GRM7: variants seen among roughly 807,000 people sequenced by gnomAD.
The protein encoded by GRM7 is metabotropic glutamate receptor 7.
Under a neutral mutation model 84.5 loss-of-function variants are expected in GRM7, and 35 were observed. That is an observed-to-expected ratio of 0.41 (90% CI 0.32 to 0.55). The LOEUF is 0.55. Among genes scored for constraint, GRM7 ranks in the 20% least tolerant of loss-of-function variants. The probability of loss-of-function intolerance (pLI) is 0.19; values close to 1 mark genes in which losing one functional copy is unlikely to be tolerated. For synonymous variants in GRM7, 487 were observed against 455.1 expected, an observed-to-expected ratio of 1.07 and a Z score of -0.89; for missense variants, 1,003 against 1,194.6, an observed-to-expected ratio of 0.84 and a Z score of 2.36.
intron 1 of GRM7, among the ~76,000 whole-genome samples, chr3:7,131,821 T>C (rs537266100): frequency 6.6e-6 from 1 of 152,102 alleles, no homozygotes; most frequent in African/African-American, 2.4e-5. Context: ...AAAGTAATTA[T>C]TGTAATAGGA....
intron 2 of GRM7, among the ~76,000 whole-genome samples, chr3:7,273,231 TA>T (rs56229568): frequency 1 from 152,166 of 152,168 alleles, 76,082 homozygotes; most frequent in Non-Finnish European, 1. Flanking sequence ...GTATGATTTC[TA>T]ATTTTAAAAT....
chr3:7,169,675 T>C (rs1185807575), intron 2 of GRM7, among the ~76,000 whole-genome samples: 2 of 152,226 alleles, frequency 1.3e-5, no homozygotes, highest in Non-Finnish European at 2.9e-5. Context: ...CATCCCCTTA[T>C]GACACGAACA....
At chr3:7,180,877 CT>C (rs1695314799) in intron 2 of GRM7, among the ~76,000 whole-genome samples, 1 of 152,106 alleles carries the variant, frequency 6.6e-6, no homozygotes, top group Admixed American at 6.6e-5. Context: ...GTTTGCAACC[CT>C]TGAGTTTTCA....
chr3:7,166,301 G>C (rs1694796874), intron 2 of GRM7, among the ~76,000 whole-genome samples: 1 of 152,096 alleles, frequency 6.6e-6, no homozygotes, highest in Non-Finnish European at 1.5e-5. Context: ...CTGTAACATT[G>C]TGATATTTTT....
intron 2 of GRM7, among the ~76,000 whole-genome samples, chr3:7,177,659 A>C (rs1695200203): frequency 6.6e-6 from 1 of 151,962 alleles, no homozygotes; most frequent in South Asian, 2.1e-4. Context: ...AATGAAATGC[A>C]GGGAGGGAGG....
chr3:7,144,416 AACAGT>A (rs1158776349), intron 1 of GRM7, among the ~76,000 whole-genome samples: 1 of 152,228 alleles, frequency 6.6e-6, no homozygotes, highest in Non-Finnish European at 1.5e-5. Flanking sequence ...GAGTTGGATA[AACAGT>A]ACATATTACT....
At chr3:6,905,433 TTTGTC>T (rs771460604) in intron 1 of GRM7, among the ~76,000 whole-genome samples, 4 of 152,202 alleles carry the variant, frequency 2.6e-5, no homozygotes, top group East Asian at 3.8e-4. Flanking sequence ...ATATTGATCT[TTTGTC>T]TAGCCACCAT....
chr3:7,202,623 A>G (rs983071384), intron 2 of GRM7, among the ~76,000 whole-genome samples: 26 of 152,304 alleles, frequency 1.7e-4, no homozygotes, highest in Non-Finnish European at 1.9e-4. Flanking sequence ...GAGCCACAGC[A>G]GCTGGCCAGC....
intron 1 of GRM7, among the ~76,000 whole-genome samples, chr3:7,090,973 A>G (rs912432084): frequency 6.6e-6 from 1 of 152,222 alleles, no homozygotes; most frequent in Non-Finnish European, 1.5e-5. Flanking sequence ...TAGAGAAGAC[A>G]TGCTGTGATG....
intron 2 of GRM7, among the ~76,000 whole-genome samples, chr3:7,218,756 A>G (rs1004189173): frequency 1.8e-4 from 28 of 152,050 alleles, no homozygotes; most frequent in African/African-American, 6.0e-4. Context: ...GTCTTTTCAT[A>G]TCAATTTATT....
At chr3:7,709,809 T>C (rs1701519014) in intron 9 of GRM7, among the ~76,000 whole-genome samples, 1 of 152,108 alleles carries the variant, frequency 6.6e-6, no homozygotes, top group African/African-American at 2.4e-5. Context: ...ATTTCTAGAC[T>C]CCTTATCTCC....
chr3:7,275,744 TC>T (rs762784141), intron 2 of GRM7, among the ~76,000 whole-genome samples: 4 of 152,026 alleles, frequency 2.6e-5, no homozygotes, highest in Non-Finnish European at 5.9e-5. Context: ...ATGGTTCCTT[TC>T]CCCCACTCCC....
chr3:7,553,505 C>T (rs181796132), intron 7 of GRM7, among the ~76,000 whole-genome samples: 86 of 152,178 alleles, frequency 5.7e-4, no homozygotes, highest in African/African-American at 1.9e-3. Context: ...AAGAACTTCC[C>T]GAGACTGGGT....
chr3:7,058,548 G>A (rs1697313051), intron 1 of GRM7, among the ~76,000 whole-genome samples: 1 of 151,806 alleles, frequency 6.6e-6, no homozygotes, highest in South Asian at 2.1e-4. Context: ...TATTAATGGT[G>A]TTTATTTTAT....
At chr3:7,476,696 G>C (rs187115595) in intron 7 of GRM7, among the ~76,000 whole-genome samples, 42 of 152,276 alleles carry the variant, frequency 2.8e-4, no homozygotes, top group African/African-American at 8.9e-4. Context: ...CTTCACACCA[G>C]TTTTCCCTCC....
At chr3:7,690,221 C>T (rs1367306223) in intron 9 of GRM7, among the ~76,000 whole-genome samples, 1 of 152,108 alleles carries the variant, frequency 6.6e-6, no homozygotes, top group African/African-American at 2.4e-5. Context: ...GGTAGAAAGA[C>T]TGAGTTTCCT....
At chr3:6,960,723 T>G (rs1693263951) in intron 1 of GRM7, among the ~76,000 whole-genome samples, 1 of 152,182 alleles carries the variant, frequency 6.6e-6, no homozygotes, top group Non-Finnish European at 1.5e-5. Context: ...TCTTCTGACT[T>G]GAATAGAAAA....
intron 1 of GRM7, among the ~76,000 whole-genome samples, chr3:7,004,084 A>G (rs1332789288): frequency 6.6e-6 from 1 of 152,180 alleles, no homozygotes; most frequent in Non-Finnish European, 1.5e-5. Flanking sequence ...AGTGATCCCA[A>G]AGGGCTCAGA....
intron 8 of GRM7, among the ~76,000 whole-genome samples, chr3:7,600,393 A>G (rs1404097178): frequency 6.6e-6 from 1 of 152,148 alleles, no homozygotes; most frequent in Non-Finnish European, 1.5e-5. Context: ...CAGAGGGACA[A>G]GTTTAGAATT....
Sources: allele counts gnomAD v4.1 joint callset (sites outside exome capture counted in the v4.1 genomes callset), GRCh38; gene constraint gnomAD v4.1.1; transcripts MANE v1.5; gene names NCBI Gene and HGNC (gene_info 2026-07-23, HGNC 2026-07-21).